The following DPYSL2 variants were observed in gnomAD, a reference collection of about 807,000 sequenced individuals.
The protein encoded by DPYSL2 is dihydropyrimidinase-related protein 2.
Under a neutral mutation model 69.9 loss-of-function variants are expected in DPYSL2, and 13 were observed. The ratio of observed to expected loss-of-function variants is 0.19; its 90% CI spans 0.12 to 0.30. The LOEUF is 0.30. Among genes scored for constraint, DPYSL2 ranks in the 10% least tolerant of loss-of-function variants. The pLI, the probability that DPYSL2 is intolerant of heterozygous loss-of-function variation, is 1.00. For synonymous variants in DPYSL2, 326 were observed against 359.1 expected (o/e 0.91, Z 1.04); for missense variants, 587 against 918.9 (o/e 0.64, Z 4.67).
At chr8:26,646,315 T>G (rs1463650406) in intron 10 of DPYSL2, among the ~76,000 whole-genome samples, 2 of 152,192 alleles carry the variant, frequency 1.3e-5, no homozygotes, top group Non-Finnish European at 1.5e-5. Flanking sequence ...ATGCATATAT[T>G]TTTAACATTT....
chr8:26,611,894 C>T (rs1425963002), intron 3 of DPYSL2, among the ~76,000 whole-genome samples: 2 of 152,200 alleles, frequency 1.3e-5, no homozygotes, highest in African/African-American at 4.8e-5. Flanking sequence ...GCTGCTGCTG[C>T]CTGGCCTGGT....
chr8:26,529,581 G>A (rs1800464713), intron 1 of DPYSL2, among the ~76,000 whole-genome samples: 1 of 151,832 alleles, frequency 6.6e-6, no homozygotes, highest in Non-Finnish European at 1.5e-5. Flanking sequence ...CCTACCAAAG[G>A]GCTGGGATTA....
At chr8:26,607,543 A>T (rs1802132868) in intron 3 of DPYSL2, among the ~76,000 whole-genome samples, 1 of 151,862 alleles carries the variant, frequency 6.6e-6, no homozygotes, top group Non-Finnish European at 1.5e-5. Flanking sequence ...TTATCCCAGC[A>T]CTTTGGGAGG....
intron 1 of DPYSL2, among the ~76,000 whole-genome samples, chr8:26,526,092 T>C (rs182898421): frequency 3.5e-4 from 53 of 152,058 alleles, no homozygotes; most frequent in Admixed American, 3.1e-3. Flanking sequence ...GACTCTGGGG[T>C]TTATTTTATT....
rs528554149 is a variant in DPYSL2, at chr8:26,612,756, G to A, written c.629-11387G>A. ...CAGTGACAGAAAAGGATTTAGGGAT[G>A]GATCGTTGAGGTGACTGCTATGCAT... On this transcript the variant is annotated intron_variant, in intron 3 of 13. Transcript: ENST00000521913. 2.0e-5 allele frequency among the ~76,000 whole-genome samples: 3 copies of A among 152,338 alleles called. No individual in the cohort carries two copies. The East Asian group carries it at 5.8e-4, about 29-fold the overall frequency.
chr8:26,524,159 C>T (rs1165936288), intron 1 of DPYSL2, among the ~76,000 whole-genome samples: 1 of 152,176 alleles, frequency 6.6e-6, no homozygotes, highest in Non-Finnish European at 1.5e-5. Flanking sequence ...TTTCCAGTGT[C>T]TCCACATCCT....
intron 1 of DPYSL2, among the ~76,000 whole-genome samples, chr8:26,518,784 T>C (rs1808336639): frequency 6.6e-6 from 1 of 152,240 alleles, no homozygotes; most frequent in African/African-American, 2.4e-5. Flanking sequence ...AGAATTTCCT[T>C]CCTTTTTATG....
chr8:26,589,976 C>T (rs769741115), intron 3 of DPYSL2, among the ~76,000 whole-genome samples: 1 of 152,206 alleles, frequency 6.6e-6, no homozygotes, highest in Non-Finnish European at 1.5e-5. Context: ...CCTGAAGGGA[C>T]GTGGCTCCTG....
At chr8:26,604,616 G>C (rs150199166) in intron 3 of DPYSL2, among the ~76,000 whole-genome samples, 1 of 151,954 alleles carries the variant, frequency 6.6e-6, no homozygotes, top group Non-Finnish European at 1.5e-5. Flanking sequence ...AAAGTTGGAC[G>C]TTAGCTATCT....
intron 1 of DPYSL2, among the ~76,000 whole-genome samples, chr8:26,534,740 C>T (rs57213491): frequency 0.016 from 2,441 of 152,138 alleles, 59 homozygotes; most frequent in African/African-American, 0.053. Flanking sequence ...TCAAGTTATC[C>T]TCCTGCCTTA....
At chr8:26,554,354 C>G (rs1268365362) in intron 1 of DPYSL2, among the ~76,000 whole-genome samples, 3 of 124,408 alleles carry the variant, frequency 2.4e-5, no homozygotes, top group Admixed American at 2.0e-4. Context: ...GTCCTTTGCC[C>G]AGTTTTTAAT....
At chr8:26,537,306 G>A (rs572036752) in intron 1 of DPYSL2, among the ~76,000 whole-genome samples, 1 of 152,204 alleles carries the variant, frequency 6.6e-6, no homozygotes, top group African/African-American at 2.4e-5. Flanking sequence ...ATTCTGGGAA[G>A]GCTGCCTTCG....
rs1248881491 is a variant in DPYSL2 at position 26,598,466 on chromosome 8, A to T, written c.628+14483A>T. 6.6e-6 allele frequency among the ~76,000 whole-genome samples: 1 copy of T among 152,072 alleles called. No individual in the cohort carries two copies. The highest frequency in any genetic ancestry group is 1.5e-5 in the Non-Finnish European group (1 of 68,018). On this transcript the variant is annotated intron_variant, in intron 3 of 13. Transcript: ENST00000521913. This position sits in a 1 kb window ranked among gnomAD's most constrained non-coding sequence, Gnocchi z 4.2. ...CCTGCTCTATGAAAACGTATTTTCC[A>T]TGTTAAAAAAGGAAGATCCATGTTG...
chr8:26,624,413 C>T lies in DPYSL2; in HGVS notation c.793+106C>T. The T allele has an allele frequency of 2.1e-6, 3 of 1,408,780 alleles. No homozygotes were observed. Among genetic ancestry groups the T allele is most frequent in the Non-Finnish European group, 1.9e-6 (2 of 1,029,182 alleles). 87.3% of individuals were successfully genotyped at this position (1,408,780 alleles called of 1,614,324 possible). A position where few individuals can be genotyped will look rare whatever the true frequency, so the allele number is the denominator to read the frequency against. ...TAATGCTTCCAGATCCCATTTGTGC[C>T]TCATGCCCATGCCTGCCCCTGGGAA... On this transcript the variant is annotated intron_variant, in intron 4 of 13. Transcript: ENST00000521913. This position sits in a 1 kb window ranked among gnomAD's most constrained non-coding sequence, Gnocchi z 4.7.
chr8:26,613,600 G>A (rs1802284814), intron 3 of DPYSL2, among the ~76,000 whole-genome samples: 1 of 152,194 alleles, frequency 6.6e-6, no homozygotes, highest in Non-Finnish European at 1.5e-5. Context: ...TGAGTGATGA[G>A]GAAGACTGAA....
At chr8:26,584,817 C>A (rs1358296895) in intron 3 of DPYSL2, among the ~76,000 whole-genome samples, 1 of 151,994 alleles carries the variant, frequency 6.6e-6, no homozygotes, top group Non-Finnish European at 1.5e-5. Context: ...CGGGGGTCTT[C>A]CATGTTAGTC....
intron 1 of DPYSL2, chr8:26,577,002 C>T: frequency 3.2e-6 from 1 of 310,968 alleles, no homozygotes; most frequent in Non-Finnish European, 6.4e-6. Context: ...ACATCGGCCT[C>T]GGCGGGCTGC....
At chr8:26,554,918 C>T (rs1053265682) in intron 1 of DPYSL2, among the ~76,000 whole-genome samples, 1 of 152,078 alleles carries the variant, frequency 6.6e-6, no homozygotes, top group Non-Finnish European at 1.5e-5. Flanking sequence ...AGAGTTTCTA[C>T]ATTAGAACCA....
intron 3 of DPYSL2, among the ~76,000 whole-genome samples, chr8:26,603,670 C>A (rs1802044552): frequency 6.6e-6 from 1 of 152,192 alleles, no homozygotes. Context: ...TCCCCATTCC[C>A]ACCTTTCTCT....
Sources: allele counts gnomAD v4.1 joint callset (sites outside exome capture counted in the v4.1 genomes callset), GRCh38; gene constraint gnomAD v4.1.1; non-coding constraint Gnocchi (gnomAD v3.1); transcripts MANE v1.5; gene names NCBI Gene and HGNC (gene_info 2026-07-23, HGNC 2026-07-21).